Variants in NT5C2 observed in about 807,000 individuals in gnomAD.
NT5C2 encodes the protein 5'-nucleotidase, cytosolic II.
In NT5C2, 58 loss-of-function variants were observed where a neutral mutation model predicts 76.1. The observed-to-expected ratio is 0.76, with a 90% confidence interval of 0.62 to 0.95. The LOEUF (loss-of-function observed/expected upper bound fraction) is 0.95, where lower values mean the gene tolerates loss of function less well. Among genes scored for constraint, NT5C2 ranks in the 40% least tolerant of loss-of-function variants. The probability of loss-of-function intolerance (pLI) is 0.00; values close to 1 mark genes in which losing one functional copy is unlikely to be tolerated. For missense variants in NT5C2, 478 were observed against 690.3 expected (o/e 0.69, Z 3.45); for synonymous variants, 229 against 237.4 (o/e 0.96, Z 0.32).
At chr10:103,180,313 A>C (rs888655022) in intron 2 of NT5C2, among the ~76,000 whole-genome samples, 1 of 152,248 alleles carries the variant, frequency 6.6e-6, no homozygotes, top group Non-Finnish European at 1.5e-5. Flanking sequence ...AAAATAAAAA[A>C]GGCACAAGCA....
intron 2 of NT5C2, 92 bp downstream of exon 2, chr10:103,181,093 A>T (rs1426797244): frequency 1.3e-5 from 2 of 152,092 alleles, no homozygotes; most frequent in Admixed American, 6.6e-5. Context: ...AGAAGGGGTG[A>T]TACGTTCAAT....
intron 4 of NT5C2, among the ~76,000 whole-genome samples, chr10:103,126,160 A>C (rs2076602031): frequency 6.6e-6 from 1 of 152,210 alleles, no homozygotes; most frequent in African/African-American, 2.4e-5. Flanking sequence ...CGACAGGTCT[A>C]ATTAAGGGAG....
intron 6 of NT5C2, among the ~76,000 whole-genome samples, chr10:103,104,326 T>C (rs576349845): frequency 4.6e-5 from 7 of 152,370 alleles, no homozygotes; most frequent in Admixed American, 6.5e-5. Flanking sequence ...AGTTGGAAAT[T>C]TGATCGTAGT....
At chr10:103,098,560 C>T in intron 10 of NT5C2, 1 of 193,720 alleles carries the variant, frequency 5.2e-6, no homozygotes, top group East Asian at 1.6e-4. Context: ...ACAATAATAC[C>T]TAACTCAAGG....
intron 4 of NT5C2, among the ~76,000 whole-genome samples, chr10:103,137,060 A>C (rs1301940713): frequency 6.6e-6 from 1 of 152,248 alleles, no homozygotes; most frequent in East Asian, 1.9e-4. Flanking sequence ...AAATTGAACT[A>C]TTTCAATGTA....
At chr10:103,179,734 C>CCTACTACTA (rs1405634689) in intron 2 of NT5C2, among the ~76,000 whole-genome samples, 3 of 152,132 alleles carry the variant, frequency 2.0e-5, no homozygotes, top group African/African-American at 7.2e-5. Context: ...AATAAACCAA[C>CCTACTACTA]CTACTACAGG....
intron 3 of NT5C2, among the ~76,000 whole-genome samples, chr10:103,169,040 T>C (rs1387013434): frequency 2.0e-5 from 3 of 152,076 alleles, no homozygotes; most frequent in Non-Finnish European, 4.4e-5. Context: ...CAAAAGCAAA[T>C]ACTGTTAGGA....
At chr10:103,183,262 G>GATACAT (rs1554841573) in intron 1 of NT5C2, among the ~76,000 whole-genome samples, 1 of 73,344 alleles carries the variant, frequency 1.4e-5, no homozygotes, top group Non-Finnish European at 2.3e-5. Context: ...GTGTGTGTGT[G>GATACAT]ATATATATAT....
intron 4 of NT5C2, among the ~76,000 whole-genome samples, chr10:103,129,634 A>G (rs1347150354): frequency 1.3e-4 from 8 of 61,348 alleles, no homozygotes; most frequent in African/African-American, 2.7e-4. Context: ...GGGGGGGGTC[A>G]GCCCCCCCGC....
chr10:103,114,213 G>A lies in NT5C2; in HGVS notation c.176-7507C>T, dbSNP rs193164330. Among the ~76,000 whole-genome samples, 724 of 152,192 alleles carry A rather than the reference G, an allele frequency of 4.8e-3. 8 individuals carry two copies. Among genetic ancestry groups the A allele is most frequent in the African/African-American group, 0.017 (707 of 41,510 alleles). ...GCGGATCACGAGGTAAGGAGTTCGA[G>A]ACCAGCCTGGCCAATATGGTGAAAC... On this transcript the variant is annotated intron_variant, in intron 4 of 18. Coordinates refer to ENST00000404739, the MANE Select transcript of NT5C2 (RefSeq NM_001351169.2).
chr10:103,128,086 C>CGT (rs2077044716), intron 4 of NT5C2, among the ~76,000 whole-genome samples: 1 of 139,692 alleles, frequency 7.2e-6, no homozygotes, highest in East Asian at 2.1e-4. Context: ...TCTCCCTCTC[C>CGT]CTCTGTCTCC....
chr10:103,148,561 G>A lies in NT5C2; in HGVS notation c.102-9082C>T, dbSNP rs577994801. On this transcript the variant is annotated intron_variant, in intron 3 of 18. Transcript: ENST00000404739. The stretch of plus-strand genomic sequence containing the variant: ...AGAGCTTGCAGTGAGCCAAGATCGT[G>A]CCACTGCACTCCAGCCTGGGCAACA... Among the ~76,000 whole-genome samples the A allele has an allele frequency of 3.2e-3, 480 of 150,998 alleles. 2 individuals are homozygous for A. Among genetic ancestry groups the A allele is most frequent in the Admixed American group, 6.0e-3 (91 of 15,116 alleles).
chr10:103,128,052 TCTCC>T (rs1565092252), intron 4 of NT5C2, among the ~76,000 whole-genome samples: 1 of 68,012 alleles, frequency 1.5e-5, no homozygotes, highest in African/African-American at 6.2e-5. Flanking sequence ...GGTCTCTCCC[TCTCC>T]CTCTCCCTCT....
At chr10:103,112,541 C>T (rs144077733) in intron 4 of NT5C2, among the ~76,000 whole-genome samples, 2 of 152,262 alleles carry the variant, frequency 1.3e-5, no homozygotes, top group African/African-American at 4.8e-5. Context: ...AATATACTGA[C>T]ACTTTAAAGA....
chr10:103,121,178 T>C (rs2075589593), intron 4 of NT5C2, among the ~76,000 whole-genome samples: 1 of 152,188 alleles, frequency 6.6e-6, no homozygotes, highest in Non-Finnish European at 1.5e-5. Context: ...TTTGGGATGA[T>C]GAAAAAGTTC....
chr10:103,131,619 C>T (rs373972974), intron 4 of NT5C2, among the ~76,000 whole-genome samples: 11 of 152,318 alleles, frequency 7.2e-5, no homozygotes, highest in African/African-American at 2.4e-4. Context: ...AGCCAGTACT[C>T]TTTAAAAGTC....
intron 2 of NT5C2, 39 bp from the exon 3 acceptor site, chr10:103,175,021 G>A (rs781093409): frequency 2.6e-5 from 30 of 1,165,426 alleles, no homozygotes; most frequent in Non-Finnish European, 2.9e-5. Context: ...CTTAATATTG[G>A]CATCTGTATA....
intron 4 of NT5C2, among the ~76,000 whole-genome samples, chr10:103,138,929 C>T (rs1387707182): frequency 2.0e-5 from 3 of 152,050 alleles, no homozygotes; most frequent in Non-Finnish European, 4.4e-5. Flanking sequence ...ATCGCTTGAA[C>T]CCAGGAGGTG....
intron 13 of NT5C2, 75 bp from the exon 14 acceptor site, chr10:103,094,113 T>TCCCCCCCCCCC: frequency 1.3e-6 from 1 of 750,680 alleles, no homozygotes; most frequent in South Asian, 1.6e-5. Flanking sequence ...AACCCTCCCA[T>TCCCCCCCCCCC]CCCACCCCCC....
Sources: gnomAD v4.1 joint callset for allele counts (sites outside exome capture counted in the v4.1 genomes callset) on GRCh38, gnomAD v4.1.1 for gene constraint, MANE v1.5 for transcripts, NCBI Gene and HGNC (gene_info 2026-07-23, HGNC 2026-07-21) for gene names.